Variants in OR3A2 observed in about 807,000 individuals in gnomAD.
OR3A2 encodes olfactory receptor 3A2.
For synonymous variants in OR3A2, 126 were observed against 159.3 expected (o/e 0.79, Z 1.57); for missense variants, 318 against 392.8 (o/e 0.81, Z 1.61).
At chr17:3,290,967 GAT>G (rs2048860043) in intron 3 of OR3A2, 2 of 152,124 alleles carry the variant, frequency 1.3e-5, no homozygotes, top group Non-Finnish European at 2.9e-5. Context: ...TGTAACATAA[GAT>G]ATATAATACA....
chr17:3,289,261 T>C (rs1198618500), upstream of OR3A2, among the ~76,000 whole-genome samples: 1 of 152,220 alleles, frequency 6.6e-6, no homozygotes, highest in East Asian at 1.9e-4. Flanking sequence ...ACATGGATAA[T>C]AGAATTTTTA....
intron 2 of OR3A2, among the ~76,000 whole-genome samples, chr17:3,347,741 G>C (rs1262374024): frequency 2.0e-5 from 3 of 152,140 alleles, no homozygotes; most frequent in East Asian, 1.9e-4. Context: ...ATGATTTATA[G>C]TCCTTTGGGT....
intron 2 of OR3A2, among the ~76,000 whole-genome samples, chr17:3,353,876 C>G (rs2049441387): frequency 6.7e-6 from 1 of 150,344 alleles, no homozygotes; most frequent in Non-Finnish European, 1.5e-5. Context: ...ACTATAGTCA[C>G]CCCACTGTGC....
intron 1 of OR3A2, 136 bp downstream of exon 1, chr17:3,385,989 A>AACAG (rs3833164): frequency 0.41 from 164,148 of 397,780 alleles, 34,926 homozygotes; most frequent in Admixed American, 0.59. Flanking sequence ...TGGTGGACGG[A>AACAG]ACAGACGCCC....
At chr17:3,362,383 G>T (rs1447299972) in intron 2 of OR3A2, among the ~76,000 whole-genome samples, 2 of 151,538 alleles carry the variant, frequency 1.3e-5, no homozygotes, top group African/African-American at 4.9e-5. Context: ...TGGATTCACT[G>T]ATGTTTTGAA....
intron 3 of OR3A2, among the ~76,000 whole-genome samples, chr17:3,335,530 G>A (rs1310171985): frequency 6.6e-6 from 1 of 151,986 alleles, no homozygotes; most frequent in Non-Finnish European, 1.5e-5. Context: ...ATTATTTTAA[G>A]TTTAAAAATG....
At chr17:3,378,627 T>C (rs2049705819) in intron 2 of OR3A2, among the ~76,000 whole-genome samples, 1 of 151,956 alleles carries the variant, frequency 6.6e-6, no homozygotes, top group African/African-American at 2.4e-5. Flanking sequence ...CACGCAGCCC[T>C]GGCCGCACCT....
downstream of OR3A2, among the ~76,000 whole-genome samples, chr17:3,276,414 C>T (rs540329401): frequency 1.5e-4 from 23 of 152,236 alleles, no homozygotes; most frequent in East Asian, 3.9e-3. Flanking sequence ...TTGTCAGAGG[C>T]GTAAACTCTG....
At chr17:3,333,402 T>TGATCTTTGCTTTGCCCTTTGC (rs1317202375) in intron 3 of OR3A2, among the ~76,000 whole-genome samples, 2 of 152,194 alleles carry the variant, frequency 1.3e-5, no homozygotes, top group African/African-American at 4.8e-5. Context: ...CTTTGCCTTG[T>TGATCTTTGCTTTGCCCTTTGC]GATCTTTGCT....
rs560579657 is a variant in OR3A2 at position 3,371,644 on chromosome 17, C to T, written c.-179+12160G>A. Among the ~76,000 whole-genome samples the T allele has an allele frequency of 2.0e-3, 247 of 123,368 alleles. 1 individual carries two copies. The highest frequency in any genetic ancestry group is 7.1e-3 in the African/African-American group (227 of 32,138). 80.9% of individuals were successfully genotyped at this position (123,368 alleles called of 152,430 possible). ...CTCCTCACTTCCCAGTAGGGGAGGC[C>T]GGGCAGAGGCGCCCCTCACCTCCCG... On this transcript the variant is annotated intron_variant, in intron 2 of 4. Transcript: ENST00000573491.
In OR3A2 at chr17:3,332,031, G is replaced by A. The variant is rs1484039875; in HGVS notation, c.-85+4002C>T. 2.2e-4 allele frequency among the ~76,000 whole-genome samples: 34 copies of A among 152,152 alleles called. No individual in the cohort carries two copies. The East Asian group carries it at 6.4e-3, about 28-fold the overall frequency. On this transcript the variant is annotated intron_variant, in intron 3 of 4. Transcript: ENST00000573491. ...TGCCTCCCAGTTAGGCTGCTCGGGG[G>A]TCAGGGGTCAGGGACCCACTTGAGG...
At chr17:3,369,645 G>A (rs2049594796) in intron 2 of OR3A2, among the ~76,000 whole-genome samples, 1 of 152,048 alleles carries the variant, frequency 6.6e-6, no homozygotes, top group Non-Finnish European at 1.5e-5. Context: ...GTATTTTGTT[G>A]AGGATTTTTG....
At chr17:3,382,433 G>A (rs115565481) in intron 2 of OR3A2, among the ~76,000 whole-genome samples, 1 of 152,174 alleles carries the variant, frequency 6.6e-6, no homozygotes, top group Non-Finnish European at 1.5e-5. Flanking sequence ...GGGCTGAGAT[G>A]GATGACAACA....
At chr17:3,379,075 A>T (rs1597366288) in intron 2 of OR3A2, among the ~76,000 whole-genome samples, 1 of 152,214 alleles carries the variant, frequency 6.6e-6, no homozygotes, top group African/African-American at 2.4e-5. Context: ...CACTCCTCAG[A>T]GATCAACAAG....
chr17:3,375,973 G>A (rs2049679702), intron 2 of OR3A2, among the ~76,000 whole-genome samples: 2 of 152,196 alleles, frequency 1.3e-5, no homozygotes, highest in African/African-American at 4.8e-5. Context: ...TCCCAGCAGT[G>A]GATACAAGTA....
intron 2 of OR3A2, among the ~76,000 whole-genome samples, chr17:3,359,552 G>A (rs747874164): frequency 6.6e-6 from 1 of 151,738 alleles, no homozygotes; most frequent in Non-Finnish European, 1.5e-5. Flanking sequence ...GGCTGGATAT[G>A]AAATTCTTGG....
intron 3 of OR3A2, among the ~76,000 whole-genome samples, chr17:3,298,056 T>G (rs1262118011): frequency 6.6e-6 from 1 of 152,144 alleles, no homozygotes; most frequent in Non-Finnish European, 1.5e-5. Context: ...GTTAAGACAT[T>G]AGTTAAAACA....
At chr17:3,331,349 C>G (rs1042592536) in intron 3 of OR3A2, among the ~76,000 whole-genome samples, 8 of 152,160 alleles carry the variant, frequency 5.3e-5, no homozygotes, top group Admixed American at 2.0e-4. Context: ...CTTTCAGGTA[C>G]ACCAATCCGA....
At chr17:3,345,112 G>A (rs2049351278) in intron 2 of OR3A2, among the ~76,000 whole-genome samples, 1 of 152,192 alleles carries the variant, frequency 6.6e-6, no homozygotes, top group African/African-American at 2.4e-5. Flanking sequence ...TGGATCTGAT[G>A]AAGAAAGGAA....
Sources: gnomAD v4.1 joint callset for allele counts (sites outside exome capture counted in the v4.1 genomes callset) on GRCh38, gnomAD v4.1.1 for gene constraint, MANE v1.5 for transcripts, NCBI Gene and HGNC (gene_info 2026-07-23, HGNC 2026-07-21) for gene names.